EXOC6: variants seen among roughly 807,000 people sequenced by gnomAD.
EXOC6 encodes exocyst complex component 6, also known as SEC15-like 1.
A neutral mutation model predicts 112.5 loss-of-function variants in EXOC6; 60 were observed. The observed-to-expected ratio is 0.53, with a 90% confidence interval of 0.43 to 0.66. EXOC6 has a LOEUF of 0.66. EXOC6 is among the 30% of genes least tolerant of loss of function. The pLI is 0.00. For missense variants in EXOC6, 855 were observed against 957.1 expected (o/e 0.89, Z 1.41); for synonymous variants, 295 against 308.0 (o/e 0.96, Z 0.44).
At chr10:92,968,183 T>A (rs1183321121) in intron 17 of EXOC6, among the ~76,000 whole-genome samples, 5 of 382 alleles carry the variant, frequency 0.013, no homozygotes, top group Non-Finnish European at 0.083. Flanking sequence ...GTGTTTCACC[T>A]TTTTTTTTTT....
At chr10:92,859,582 A>G (rs61860822) in intron 1 of EXOC6, among the ~76,000 whole-genome samples, 3,348 of 152,276 alleles carry the variant, frequency 0.022, 57 homozygotes, top group African/African-American at 0.041. Flanking sequence ...TTGAGGGAAT[A>G]CTTTCAGATG....
intron 4 of EXOC6, among the ~76,000 whole-genome samples, chr10:92,896,087 A>T: frequency 1.2e-5 from 1 of 83,238 alleles, no homozygotes; most frequent in South Asian, 5.6e-4. Context: ...ATATGTGTAT[A>T]TATATATGTG....
At chr10:92,890,597 T>C (rs191695158) in intron 1 of EXOC6, among the ~76,000 whole-genome samples, 2 of 152,240 alleles carry the variant, frequency 1.3e-5, no homozygotes, top group African/African-American at 4.8e-5. Flanking sequence ...GATATAGTGA[T>C]AAACTCCTTT....
At chr10:92,911,222 C>T (rs889391816) in intron 6 of EXOC6, among the ~76,000 whole-genome samples, 1 of 151,652 alleles carries the variant, frequency 6.6e-6, no homozygotes, top group Admixed American at 6.6e-5. Flanking sequence ...TTTTTTTTCC[C>T]CCAAGTATTA....
intron 20 of EXOC6, among the ~76,000 whole-genome samples, chr10:93,036,615 T>C (rs1564928763): frequency 6.6e-6 from 1 of 152,166 alleles, no homozygotes; most frequent in Non-Finnish European, 1.5e-5. Context: ...TGTAGGCCTT[T>C]AGAAGTGGAA....
At chr10:92,871,730 C>T (rs1848457926) in intron 1 of EXOC6, among the ~76,000 whole-genome samples, 1 of 151,758 alleles carries the variant, frequency 6.6e-6, no homozygotes, top group Non-Finnish European at 1.5e-5. Context: ...TCGGTTTGAA[C>T]CAGGGAGTCA....
chr10:92,979,988 G>T (rs942623933), intron 18 of EXOC6, among the ~76,000 whole-genome samples: 1 of 151,776 alleles, frequency 6.6e-6, no homozygotes, highest in African/African-American at 2.4e-5. Context: ...AGCTGAGAAG[G>T]CAGCCTCTCT....
intron 18 of EXOC6, among the ~76,000 whole-genome samples, chr10:92,974,937 C>T (rs1425020211): frequency 6.6e-6 from 1 of 152,208 alleles, no homozygotes; most frequent in East Asian, 1.9e-4. Context: ...TCCCAGCCAC[C>T]TGCCTTGGCC....
intron 21 of EXOC6, among the ~76,000 whole-genome samples, chr10:93,057,560 C>G (rs947529310): frequency 2.6e-5 from 4 of 151,958 alleles, no homozygotes; most frequent in African/African-American, 9.7e-5. Context: ...TTAACTTTTC[C>G]CTCTCATTAT....
chr10:93,021,415 A>G (rs2134259254), intron 20 of EXOC6, among the ~76,000 whole-genome samples: 1 of 152,326 alleles, frequency 6.6e-6, no homozygotes, highest in Admixed American at 6.5e-5. Flanking sequence ...ATGCTAATAA[A>G]TGTATATGGC....
chr10:93,046,841 G>T (rs570162544), intron 20 of EXOC6, among the ~76,000 whole-genome samples: 2 of 151,980 alleles, frequency 1.3e-5, no homozygotes, highest in South Asian at 4.2e-4. Context: ...CAGGTGGTCC[G>T]CCCACCTCAG....
chr10:92,888,136 C>T (rs1290764140), intron 1 of EXOC6, among the ~76,000 whole-genome samples: 4 of 152,026 alleles, frequency 2.6e-5, no homozygotes, highest in East Asian at 1.9e-4. Context: ...TTGGAACTTA[C>T]GGTTCTATTT....
At chr10:93,010,153 G>C (rs1429448968) in intron 19 of EXOC6, among the ~76,000 whole-genome samples, 1 of 152,146 alleles carries the variant, frequency 6.6e-6, no homozygotes, top group Non-Finnish European at 1.5e-5. Flanking sequence ...ATATCATTAC[G>C]AATGTCCTCT....
At position 92,894,853 on chromosome 10, in the gene EXOC6, A is replaced by T; in HGVS notation, c.321+12A>T. On this transcript the variant is annotated intron_variant, in intron 3 of 21. Transcript: ENST00000260762. The stretch of plus-strand genomic sequence containing the variant: ...ATGCTGGAAAAGAGGTGAGAAAATG[A>T]TACTTTTCTGGGTATTCAGTATGTA... 1 of 1,613,332 alleles carries T rather than the reference A, an allele frequency of 6.2e-7. No individual in the cohort carries two copies. Among genetic ancestry groups the T allele is most frequent in the Non-Finnish European group, 8.5e-7 (1 of 1,179,506 alleles).
intron 1 of EXOC6, chr10:92,834,827 A>G (rs1176398979): frequency 6.4e-7 from 1 of 1,573,602 alleles, no homozygotes; most frequent in South Asian, 1.1e-5. Context: ...ACTTTAAGGT[A>G]GGGCACCGTT....
intron 1 of EXOC6, among the ~76,000 whole-genome samples, chr10:92,869,293 T>TG (rs1489412327): frequency 4.0e-5 from 6 of 150,148 alleles, no homozygotes; most frequent in Non-Finnish European, 8.9e-5. Context: ...TGAGCCACCA[T>TG]GGCAGGCCCT....
chr10:92,885,377 C>CTCTGTTCACATGA (rs1849162040), intron 1 of EXOC6, among the ~76,000 whole-genome samples: 1 of 151,090 alleles, frequency 6.6e-6, no homozygotes, highest in African/African-American at 2.4e-5. Flanking sequence ...AGGTTAAAGT[C>CTCTGTTCACATGA]AGCTCTTTTT....
At chr10:92,881,962 G>A (rs1171659347) in intron 1 of EXOC6, among the ~76,000 whole-genome samples, 1 of 152,068 alleles carries the variant, frequency 6.6e-6, no homozygotes, top group Non-Finnish European at 1.5e-5. Flanking sequence ...AAGACATGTG[G>A]AACTGTGAGT....
intron 6 of EXOC6, 65 bp downstream of exon 6, chr10:92,909,696 G>T: frequency 6.2e-6 from 6 of 965,246 alleles, no homozygotes; most frequent in Admixed American, 2.7e-5. Context: ...AATATCCAAG[G>T]TTTACTTCTT....
Sources: allele counts gnomAD v4.1 joint callset (sites outside exome capture counted in the v4.1 genomes callset), GRCh38; gene constraint gnomAD v4.1.1; transcripts MANE v1.5; gene names NCBI Gene and HGNC (gene_info 2026-07-23, HGNC 2026-07-21).